The following C13orf42 variants were observed in gnomAD, a reference collection of about 807,000 sequenced individuals.
C13orf42 encodes the protein chromosome 13 open reading frame 42.
At chr13:51,129,806 G>A (rs562744999) in intron 1 of C13orf42, among the ~76,000 whole-genome samples, 16 of 152,260 alleles carry the variant, frequency 1.1e-4, no homozygotes, top group Non-Finnish European at 1.9e-4. Flanking sequence ...ATAGAACATG[G>A]CCTTAGAACC....
intron 1 of C13orf42, among the ~76,000 whole-genome samples, chr13:51,126,001 G>T (rs147906405): frequency 6.6e-6 from 1 of 152,156 alleles, no homozygotes; most frequent in Non-Finnish European, 1.5e-5. Context: ...GACAATCCAC[G>T]CCATTACAAT....
At chr13:51,166,355 A>C (rs1045081379) in intron 1 of C13orf42, among the ~76,000 whole-genome samples, 7 of 148,656 alleles carry the variant, frequency 4.7e-5, no homozygotes, top group Non-Finnish European at 1.0e-4. Flanking sequence ...AAAAAACCAA[A>C]CACCGCATAT....
At chr13:51,106,081 A>C (rs977960890) in intron 1 of C13orf42, among the ~76,000 whole-genome samples, 13 of 152,254 alleles carry the variant, frequency 8.5e-5, no homozygotes, top group African/African-American at 3.1e-4. Context: ...GTGCAAAAGT[A>C]GATGATATAC....
At chr13:51,141,095 G>GTGTGTGT (rs1953692098) in intron 1 of C13orf42, among the ~76,000 whole-genome samples, 1 of 128,498 alleles carries the variant, frequency 7.8e-6, no homozygotes, top group African/African-American at 3.0e-5. Flanking sequence ...ATCGAAGGGA[G>GTGTGTGT]GTGTGTGTGT....
At chr13:51,091,306 A>G (rs1456112735) in intron 1 of C13orf42, among the ~76,000 whole-genome samples, 1 of 152,078 alleles carries the variant, frequency 6.6e-6, no homozygotes, top group Non-Finnish European at 1.5e-5. Flanking sequence ...TTTGTGGCTG[A>G]CCCATATGTG....
chr13:51,124,517 C>T (rs1422950088), intron 1 of C13orf42, among the ~76,000 whole-genome samples: 1 of 152,210 alleles, frequency 6.6e-6, no homozygotes, highest in Non-Finnish European at 1.5e-5. Context: ...CTTTCATCTG[C>T]TTCTCACTGA....
chr13:51,090,034 C>A (rs1953166478), intron 1 of C13orf42, among the ~76,000 whole-genome samples: 1 of 151,830 alleles, frequency 6.6e-6, no homozygotes, highest in African/African-American at 2.4e-5. Context: ...TGACACCAGG[C>A]ACAATAAGGG....
chr13:51,170,493 A>G (rs1029816847), intron 1 of C13orf42, among the ~76,000 whole-genome samples: 1 of 151,884 alleles, frequency 6.6e-6, no homozygotes, highest in East Asian at 1.9e-4. Context: ...CTCTTCTCCA[A>G]TCTCCCTCAC....
chr13:51,101,191 C>T (rs1411198733), intron 1 of C13orf42, among the ~76,000 whole-genome samples: 1 of 152,134 alleles, frequency 6.6e-6, no homozygotes, highest in Non-Finnish European at 1.5e-5. Flanking sequence ...CTAATTTTTG[C>T]TAGGCATTCT....
At chr13:51,150,460 G>C (rs569665225) in intron 1 of C13orf42, among the ~76,000 whole-genome samples, 2 of 152,196 alleles carry the variant, frequency 1.3e-5, no homozygotes, top group South Asian at 4.1e-4. Context: ...GAGGCTTTAA[G>C]AAAGTTGCTT....
At chr13:51,099,396 G>T (rs1953264525) in intron 1 of C13orf42, among the ~76,000 whole-genome samples, 1 of 151,814 alleles carries the variant, frequency 6.6e-6, no homozygotes, top group African/African-American at 2.4e-5. Context: ...AACTTGCCAG[G>T]GCTGAAGAAA....
intron 1 of C13orf42, among the ~76,000 whole-genome samples, chr13:51,124,551 G>A (rs1202152730): frequency 3.6e-4 from 54 of 152,106 alleles, no homozygotes; most frequent in African/African-American, 2.4e-5. Context: ...GGAATCTCCT[G>A]CCTTTTACAG....
At chr13:51,089,282 CAAAGG>C in intron 1 of C13orf42, among the ~76,000 whole-genome samples, 1 of 152,168 alleles carries the variant, frequency 6.6e-6, no homozygotes, top group East Asian at 1.9e-4. Flanking sequence ...TGCAAAATAT[CAAAGG>C]AAAGCTCTAA....
intron 1 of C13orf42, among the ~76,000 whole-genome samples, chr13:51,118,121 T>C (rs954021737): frequency 6.6e-6 from 1 of 152,204 alleles, no homozygotes; most frequent in Admixed American, 6.5e-5. Context: ...CAACTTCTGT[T>C]GCTATAGCAG....
chr13:51,110,057 C>G (rs548671347), intron 1 of C13orf42, among the ~76,000 whole-genome samples: 188 of 152,314 alleles, frequency 1.2e-3, no homozygotes, highest in African/African-American at 4.5e-3. Flanking sequence ...CCGGGAATCT[C>G]CCAAGAGACA....
upstream of C13orf42, among the ~76,000 whole-genome samples, chr13:51,115,307 T>C (rs1953479658): frequency 6.6e-6 from 1 of 152,166 alleles, no homozygotes; most frequent in African/African-American, 2.4e-5. Flanking sequence ...GAGTGCTAAG[T>C]TTCCCTAAGA....
intron 1 of C13orf42, among the ~76,000 whole-genome samples, chr13:51,098,940 A>C (rs776386006): frequency 6.6e-6 from 1 of 152,112 alleles, no homozygotes; most frequent in Non-Finnish European, 1.5e-5. Flanking sequence ...CTGAATGTCA[A>C]TATTGGTGAT....
At chr13:51,156,753 A>AAGGAATC (rs1293398309) in intron 1 of C13orf42, among the ~76,000 whole-genome samples, 2 of 152,226 alleles carry the variant, frequency 1.3e-5, no homozygotes, top group Admixed American at 6.5e-5. Flanking sequence ...AAGGAGAGAT[A>AAGGAATC]AGGAATCTGA....
In C13orf42 at chr13:51,110,862, T is replaced by G. The variant is rs1953421497; in HGVS notation, c.348A>C (p.Ser116=). 1 of 398,538 alleles carries G rather than the reference T, an allele frequency of 2.5e-6. No individual in the cohort carries two copies. The highest frequency in any genetic ancestry group is 2.1e-5 in the African/African-American group (1 of 48,632). 24.7% of individuals were successfully genotyped at this position (398,538 alleles called of 1,614,324 possible). A position where few individuals can be genotyped will look rare whatever the true frequency, so the allele number is the denominator to read the frequency against. ...LKPHRTQGIS[S]TSSKSSKGGK... Reference sequence around the variant, plus strand: ...CTCCCTTGGAGGATTTGGAGGAGGTTGAGGAAATCCCCTGGGTGCGGTGGG... The same window carrying G: ...CTCCCTTGGAGGATTTGGAGGAGGTGGAGGAAATCCCCTGGGTGCGGTGGG... The change falls in exon 1 of 4, where the codon TCA becomes TCC. Residue 116 remains serine (S), a synonymous_variant. Transcript: ENST00000563710.
Sources: allele counts gnomAD v4.1 joint callset (sites outside exome capture counted in the v4.1 genomes callset), GRCh38; gene constraint gnomAD v4.1.1; transcripts MANE v1.5; gene names NCBI Gene and HGNC (gene_info 2026-07-23, HGNC 2026-07-21).